Variants in TBX4 observed in about 807,000 individuals in gnomAD.
TBX4 encodes T-box transcription factor TBX4.
In TBX4, 13 loss-of-function variants were observed where a neutral mutation model predicts 54.6. The observed-to-expected ratio is 0.24, with a 90% confidence interval of 0.15 to 0.38. The LOEUF (loss-of-function observed/expected upper bound fraction) is 0.38. Ranked by LOEUF, TBX4 falls within the 10% of genes least tolerant of loss-of-function variation. The pLI is 1.00. For missense variants in TBX4, 631 were observed against 728.5 expected (o/e 0.87, Z 1.54); for synonymous variants, 314 against 306.7 (o/e 1.02, Z -0.25).
chr17:61,480,273 C>T lies in TBX4; in HGVS notation c.975C>T (p.Pro325=). The T allele has an allele frequency of 1.2e-6, 2 of 1,614,088 alleles. No homozygotes were observed. Among genetic ancestry groups the T allele is most frequent in the Non-Finnish European group, 1.7e-6 (2 of 1,180,016 alleles). The part of the protein sequence containing the change: ...EPQDLPLSTF[P]TQRDSSLFYH... ...AGGACCTGCCCCTCAGCACCTTTCCCACCCAGAGGGACTCAAGCCTCTTCT... is the reference window on the plus strand; with the variant it reads ...AGGACCTGCCCCTCAGCACCTTTCCTACCCAGAGGGACTCAAGCCTCTTCT... Residue 325 remains proline, a synonymous_variant, in exon 8 of 9, where the codon CCC becomes CCT. Coordinates refer to ENST00000644296, the MANE Select transcript of TBX4 (RefSeq NM_001321120.2). This position sits in a 1 kb window ranked among gnomAD's most constrained non-coding sequence, Gnocchi z 6.2.
intron 5 of TBX4, 51 bp downstream of exon 5, chr17:61,467,708 G>C: frequency 6.2e-7 from 1 of 1,612,416 alleles, no homozygotes. Context: ...GGCAGTTTTA[G>C]GGGTGGGACA....
rs966545740 is a variant in TBX4 at position 61,460,101 on chromosome 17, G to A, written c.281+2470G>A. On this transcript the variant is annotated intron_variant, in intron 3 of 8. Coordinates refer to ENST00000644296, the MANE Select transcript of TBX4 (RefSeq NM_001321120.2). This position sits in a 1 kb window ranked among gnomAD's most constrained non-coding sequence, Gnocchi z 4.4. ...GGCTAGAGCTGGAGGAGAACCAAGA[G>A]AACGTAAACCAAACCCCAGAGAAGG... The A allele has an allele frequency of 6.6e-6, 1 of 152,530 alleles. No homozygotes were observed. The highest frequency in any genetic ancestry group is 1.5e-5 in the Non-Finnish European group (1 of 68,306). The allele number at this position is 152,530 out of a possible 1,614,324, so 9.4% of individuals were successfully genotyped here. A position where few individuals can be genotyped will look rare whatever the true frequency, so the allele number is the denominator to read the frequency against.
At chr17:61,458,349 G>C (rs1342234427) in intron 3 of TBX4, among the ~76,000 whole-genome samples, 1 of 152,012 alleles carries the variant, frequency 6.6e-6, no homozygotes, top group Non-Finnish European at 1.5e-5. Context: ...GGGGGCAGGA[G>C]TGTGGAGGAG....
chr17:61,457,809 G>A lies in TBX4; in HGVS notation c.281+178G>A, dbSNP rs1394686485. Among the ~76,000 whole-genome samples the A allele has an allele frequency of 2.0e-5, 3 of 152,208 alleles. No individual in the cohort carries two copies. Among genetic ancestry groups the A allele is most frequent in the Non-Finnish European group, 4.4e-5 (3 of 68,036 alleles). ...GACTGGGCCGCCAAAGCCCGCAGGG[G>A]GCCACCGCAGCCGCGCGGGCCTTGC... On this transcript the variant is annotated intron_variant, in intron 3 of 8. Coordinates refer to ENST00000644296, the MANE Select transcript of TBX4 (RefSeq NM_001321120.2). The surrounding 1 kb of genome is among the most constrained non-coding windows in gnomAD (Gnocchi z 8.2).
At chr17:61,477,898 G>A (rs190272061) in intron 5 of TBX4, among the ~76,000 whole-genome samples, 11 of 148,542 alleles carry the variant, frequency 7.4e-5, no homozygotes, top group Admixed American at 5.4e-4. Context: ...CCAAGATTGC[G>A]GCACTGCAGT....
chr17:61,465,906 T>C lies in TBX4; in HGVS notation c.369T>C (p.Asp123=). The change falls in exon 4 of 9, where the codon GAT becomes GAC. Residue 123 remains aspartate, a synonymous_variant. Coordinates refer to ENST00000644296, the MANE Select transcript of TBX4 (RefSeq NM_001321120.2). The surrounding 1 kb of genome is among the most constrained non-coding windows in gnomAD (Gnocchi z 4.9). ...TGCTGATTGACATTGTCCCTGCCGA[T>C]GACCATCGCTACAAGTTCTGTGACA... is the stretch of plus-strand genomic sequence containing the variant. The part of the protein sequence containing the change: ...YILLIDIVPA[D]DHRYKFCDNK... The C allele has an allele frequency of 1.2e-6, 2 of 1,614,158 alleles. No homozygotes were observed. The highest frequency in any genetic ancestry group is 1.7e-6 in the Non-Finnish European group (2 of 1,180,004).
chr17:61,463,309 C>A (rs964499075), intron 3 of TBX4: 6 of 152,418 alleles, frequency 3.9e-5, no homozygotes, highest in African/African-American at 1.2e-4. Context: ...CCCTGTCCCT[C>A]GGCTTCTGAG....
chr17:61,480,338 A>G lies in TBX4; in HGVS notation c.1021+19A>G. The G allele has an allele frequency of 6.2e-7, 1 of 1,601,134 alleles. No individual in the cohort carries two copies. Among genetic ancestry groups the G allele is most frequent in the South Asian group, 1.1e-5 (1 of 90,392 alleles). ...AGACGAGGTAGGGCTCTCCTGGTCT[A>G]GAAGCCCTAGAGGGTAAGAGGAGCG... On this transcript the variant is annotated intron_variant, in intron 8 of 8. Transcript: ENST00000644296. This position sits in a 1 kb window ranked among gnomAD's most constrained non-coding sequence, Gnocchi z 6.2.
chr17:61,467,507 C>T lies in TBX4; in HGVS notation c.402-3C>T. On this transcript the variant is annotated splice_polypyrimidine_tract_variant and splice_region_variant and intron_variant, in intron 4 of 8. Coordinates refer to ENST00000644296, the MANE Select transcript of TBX4 (RefSeq NM_001321120.2). ...CACCTGCTCTTATCTGCTCTGTTGG[C>T]AGGATGGTGGCAGGGAAGGCTGAGC... 1 of 1,614,192 alleles carries T rather than the reference C, an allele frequency of 6.2e-7. No individual in the cohort carries two copies. Among genetic ancestry groups the T allele is most frequent in the Non-Finnish European group, 8.5e-7 (1 of 1,180,038 alleles).
In TBX4 at chr17:61,472,533, A is replaced by G. The variant is rs893381706; in HGVS notation, c.549+4876A>G. The stretch of plus-strand genomic sequence containing the variant: ...TATAAATTAGGAGGATGTAGCTCTT[A>G]TCTGTGATGAGTTACACATGTCCAG... On this transcript the variant is annotated intron_variant, in intron 5 of 8. Coordinates refer to ENST00000644296, the MANE Select transcript of TBX4 (RefSeq NM_001321120.2). This position sits in a 1 kb window ranked among gnomAD's most constrained non-coding sequence, Gnocchi z 4.5. 5.3e-5 allele frequency among the ~76,000 whole-genome samples: 8 copies of G among 152,166 alleles called. No homozygotes were observed. The highest frequency in any genetic ancestry group is 1.0e-4 in the Non-Finnish European group (7 of 68,036).
chr17:61,484,056 G>C lies in TBX4; in HGVS notation c.*540G>C, dbSNP rs2060686628. On this transcript the variant is annotated 3_prime_UTR_variant, in exon 9 of 9. Transcript: ENST00000644296. This position sits in a 1 kb window ranked among gnomAD's most constrained non-coding sequence, Gnocchi z 4.1. ...CTCCTTTGACTTCTGGAGAGTCTGT[G>C]AGACTGCCTGAGAGGTGGGCTCAGC... 1 of 164,818 alleles carries C rather than the reference G, an allele frequency of 6.1e-6. No individual in the cohort carries two copies. Among genetic ancestry groups the C allele is most frequent in the Non-Finnish European group, 1.3e-5 (1 of 75,078 alleles). The allele number at this position is 164,818 out of a possible 1,614,324, so 10.2% of individuals were successfully genotyped here. A position where few individuals can be genotyped will look rare whatever the true frequency, so the allele number is the denominator to read the frequency against.
intron 3 of TBX4, chr17:61,463,140 CACCCCAGAGTGG>C (rs1014006135): frequency 6.6e-5 from 10 of 152,352 alleles, no homozygotes; most frequent in Admixed American, 6.5e-4. Flanking sequence ...CCCCCCACCC[CACCCCAGAGTGG>C]GTTCTGCATG....
chr17:61,453,570 A>G (rs908190299), intron 1 of TBX4, among the ~76,000 whole-genome samples: 1 of 152,208 alleles, frequency 6.6e-6, no homozygotes, highest in Non-Finnish European at 1.5e-5. Flanking sequence ...CATTATAAAT[A>G]ATGGTTGAGT....
chr17:61,456,075 G>C (rs1196333303), intron 1 of TBX4, among the ~76,000 whole-genome samples: 2 of 152,154 alleles, frequency 1.3e-5, no homozygotes, highest in African/African-American at 4.8e-5. Context: ...GAGGTGTCCT[G>C]GCTGTCCTGG....
Position 61,482,771 on chromosome 17 carries a change from G to C in TBX4, c.1022-126G>C, listed in dbSNP as rs567458138. ...GTGGCTGATTGAAATGGCTCTGGGA[G>C]TGCCATGGCAACATGGGGAGGGCGG... On this transcript the variant is annotated intron_variant, in intron 8 of 8. Coordinates refer to ENST00000644296, the MANE Select transcript of TBX4 (RefSeq NM_001321120.2). The C allele has an allele frequency of 1.2e-5, 17 of 1,393,380 alleles. No homozygotes were observed. In the East Asian group the frequency reaches 3.9e-4, roughly 32 times the overall value. 86.3% of individuals were successfully genotyped at this position (1,393,380 alleles called of 1,614,324 possible).
Position 61,467,490 on chromosome 17 carries a change from C to T in TBX4, c.402-20C>T. 1.2e-6 allele frequency: 2 copies of T among 1,614,206 alleles called. No individual in the cohort carries two copies. The highest frequency in any genetic ancestry group is 1.7e-6 in the Non-Finnish European group (2 of 1,180,036). ...CCAGCCCCTGGAGTAATCACCTGCT[C>T]TTATCTGCTCTGTTGGCAGGATGGT... On this transcript the variant is annotated intron_variant, in intron 4 of 8. Coordinates refer to ENST00000644296, the MANE Select transcript of TBX4 (RefSeq NM_001321120.2).
rs1332440581 is a variant in TBX4 at position 61,467,500 on chromosome 17, C to G, written c.402-10C>G. ...GAGTAATCACCTGCTCTTATCTGCT[C>G]TGTTGGCAGGATGGTGGCAGGGAAG... On this transcript the variant is annotated splice_polypyrimidine_tract_variant and intron_variant, in intron 4 of 8. Coordinates refer to ENST00000644296, the MANE Select transcript of TBX4 (RefSeq NM_001321120.2). 1 of 1,614,192 alleles carries G rather than the reference C, an allele frequency of 6.2e-7. No homozygotes were observed. Among genetic ancestry groups the G allele is most frequent in the Non-Finnish European group, 8.5e-7 (1 of 1,180,046 alleles).
rs1429798731 is a variant in TBX4, at chr17:61,461,298, G to T, written c.281+3667G>T. ...TGTGTATGCCTCTATGTATGTGTGT[G>T]AAACGTGGAAATCGATTTATTATCT... On this transcript the variant is annotated intron_variant, in intron 3 of 8. Transcript: ENST00000644296. The surrounding 1 kb of genome is among the most constrained non-coding windows in gnomAD (Gnocchi z 5.1). 6.6e-6 allele frequency among the ~76,000 whole-genome samples: 1 copy of T among 152,188 alleles called. No individual in the cohort carries two copies. The highest frequency in any genetic ancestry group is 1.9e-4 in the East Asian group (1 of 5,194).
intron 1 of TBX4, among the ~76,000 whole-genome samples, chr17:61,454,925 C>A (rs1459819120): frequency 6.6e-6 from 1 of 152,230 alleles, no homozygotes; most frequent in Non-Finnish European, 1.5e-5. Context: ...CGCCGGGGCC[C>A]TAGATATAGT....
Sources: gnomAD v4.1 joint callset for allele counts (sites outside exome capture counted in the v4.1 genomes callset) on GRCh38, gnomAD v4.1.1 for gene constraint, Gnocchi (gnomAD v3.1) non-coding constraint, MANE v1.5 for transcripts, NCBI Gene and HGNC (gene_info 2026-07-23, HGNC 2026-07-21) for gene names.